The following VPS13C variants were observed in gnomAD, a reference collection of about 807,000 sequenced individuals.
VPS13C encodes the protein intermembrane lipid transfer protein VPS13C.
Under a neutral mutation model 456.8 loss-of-function variants are expected in VPS13C, and 358 were observed. The observed-to-expected ratio is 0.78, with a 90% CI of 0.72 to 0.86. The LOEUF is 0.86. VPS13C is among the 40% of genes least tolerant of loss of function. The pLI is 0.00. For missense variants in VPS13C, 4,818 were observed against 4,385.4 expected, an observed-to-expected ratio of 1.10 and a Z score of -2.79; for synonymous variants, 1,578 against 1,486.7, an observed-to-expected ratio of 1.06 and a Z score of -1.41.
Position 61,951,990 on chromosome 15 carries a change from G to A in VPS13C, c.4300-10C>T, listed in dbSNP as rs200015987. The stretch of plus-strand genomic sequence containing the variant: ...TCAAAGTAACCACAACCTAAAAAAC[G>A]GTACCAGTATTACCACCAACTATTT... On this transcript the variant is annotated splice_polypyrimidine_tract_variant and intron_variant, in intron 38 of 84. Coordinates refer to ENST00000644861, the MANE Select transcript of VPS13C (RefSeq NM_020821.3). 295 of 1,610,574 alleles carry A rather than the reference G, an allele frequency of 1.8e-4. No individual in the cohort carries two copies. Among genetic ancestry groups the A allele is most frequent in the Middle Eastern group, 5.0e-4 (3 of 6,048 alleles).
At chr15:62,028,899 T>C (rs1307343745) in intron 5 of VPS13C, among the ~76,000 whole-genome samples, 3 of 152,112 alleles carry the variant, frequency 2.0e-5, no homozygotes, top group Non-Finnish European at 4.4e-5. Context: ...ATAGCCATTC[T>C]CATTAATGAT....
At chr15:62,024,610 T>A (rs929801648) in intron 6 of VPS13C, among the ~76,000 whole-genome samples, 1 of 152,076 alleles carries the variant, frequency 6.6e-6, no homozygotes, top group African/African-American at 2.4e-5. Context: ...TCTACCCTGT[T>A]ACCAGATTGA....
intron 66 of VPS13C, among the ~76,000 whole-genome samples, chr15:61,894,574 A>G (rs908883654): frequency 2.6e-5 from 4 of 152,078 alleles, no homozygotes; most frequent in African/African-American, 9.7e-5. Flanking sequence ...AAAAAAAAAG[A>G]GTAGGAGTAG....
Position 61,949,456 on chromosome 15 carries a change from G to T in VPS13C, c.4746C>A (p.Ile1582=). 6.2e-7 allele frequency: 1 copy of T among 1,609,826 alleles called. No homozygotes were observed. The highest frequency in any genetic ancestry group is 8.5e-7 in the Non-Finnish European group (1 of 1,179,080). ...AAAAATTATTACCAGCTTTGACAGC[G>T]ATACTTCTGGACTCCCCCACAAGTG... is the stretch of plus-strand genomic sequence containing the variant. ...LKPLVGESRS[I]AVKAVSSNIS... is the part of the protein sequence containing the mutation. The change falls in exon 42 of 85, where the codon ATC becomes ATA. Residue 1582 remains isoleucine (I), a synonymous_variant. Coordinates refer to ENST00000644861, the MANE Select transcript of VPS13C (RefSeq NM_020821.3).
intron 52 of VPS13C, among the ~76,000 whole-genome samples, chr15:61,925,915 G>T (rs116895072): frequency 5.9e-5 from 9 of 152,308 alleles, no homozygotes; most frequent in African/African-American, 1.9e-4. Context: ...CTGTGGTAAG[G>T]TAGGTAAGTA....
rs747812804 is a variant in VPS13C at position 61,966,088 on chromosome 15, C to T, written c.3046G>A (p.Val1016Ile). The T allele has an allele frequency of 1.0e-5, 16 of 1,600,318 alleles. No individual in the cohort carries two copies. Among genetic ancestry groups the T allele is most frequent in the Non-Finnish European group, 1.4e-5 (16 of 1,172,264 alleles). Reference protein sequence around the residue: ...QTAFGKTEQTVKVAFSSLNLL... With the variant: ...QTAFGKTEQTIKVAFSSLNLL... The stretch of plus-strand genomic sequence containing the variant: ...CCTTTAACAGAATTTCTTACCTTAA[C>T]TGTTTGTTCAGTTTTTCCAAAAGCA... Residue 1016 changes from valine to isoleucine, a missense_variant, in exon 30 of 85, where the codon GTT (valine) becomes ATT (isoleucine). Transcript: ENST00000644861.
Position 61,864,349 on chromosome 15 carries a change from CA to C in VPS13C, c.10864-822del. The C allele has an allele frequency of 1.1e-5, 10 of 893,460 alleles. No homozygotes were observed. The South Asian group carries it at 4.7e-4, about 42-fold the overall frequency. 55.3% of individuals were successfully genotyped at this position (893,460 alleles called of 1,614,324 possible). On this transcript the variant is annotated intron_variant, in intron 81 of 84. Coordinates refer to ENST00000644861, the MANE Select transcript of VPS13C (RefSeq NM_020821.3). Reference sequence around the variant, plus strand: ...CATTTATTTTCCTTTTCAGCTATCTCAAAAGTACTGTGACTTGAATTAGTCA... The same window carrying C: ...CATTTATTTTCCTTTTCAGCTATCTCAAAGTACTGTGACTTGAATTAGTCA...
At position 61,982,731 on chromosome 15, in the gene VPS13C, C is replaced by T. The variant is rs1243547072; in HGVS notation, c.1915-158G>A. 3.3e-5 allele frequency among the ~76,000 whole-genome samples: 5 copies of T among 152,132 alleles called. No individual in the cohort carries two copies. The South Asian group carries it at 8.3e-4, about 25-fold the overall frequency. ...CATCTCCCTTTGGAGTAAAAGAGAA[C>T]CTGGAGAAAGGAAGAGCCTAAGCAA... On this transcript the variant is annotated intron_variant, in intron 20 of 84. Transcript: ENST00000644861.
chr15:62,054,847 C>G (rs932615173), intron 1 of VPS13C, among the ~76,000 whole-genome samples: 1 of 152,096 alleles, frequency 6.6e-6, no homozygotes, highest in Non-Finnish European at 1.5e-5. Context: ...CATCACCCAG[C>G]CAGGTTTGTT....
intron 15 of VPS13C, among the ~76,000 whole-genome samples, chr15:62,003,325 A>C (rs8029201): frequency 6.7e-6 from 1 of 149,354 alleles, no homozygotes; most frequent in African/African-American, 2.5e-5. Flanking sequence ...CCGTTTGTCT[A>C]TTATTGGTGT....
At chr15:61,865,074 G>T (rs940586982) in intron 81 of VPS13C, 4 of 984,740 alleles carry the variant, frequency 4.1e-6, no homozygotes, top group Non-Finnish European at 4.8e-6. Flanking sequence ...ACTACACTCT[G>T]AGATTCAGAT....
intron 66 of VPS13C, among the ~76,000 whole-genome samples, chr15:61,903,166 A>C (rs895528754): frequency 9.9e-5 from 15 of 151,962 alleles, no homozygotes; most frequent in African/African-American, 3.6e-4. Flanking sequence ...TCTCTACAGA[A>C]AAAAAACAAA....
chr15:61,956,989 C>G (rs2045025097), intron 37 of VPS13C, among the ~76,000 whole-genome samples: 1 of 152,098 alleles, frequency 6.6e-6, no homozygotes, highest in Non-Finnish European at 1.5e-5. Context: ...ATAACTACGT[C>G]AAAGACACAC....
chr15:61,921,776 G>A (rs1426804261), intron 55 of VPS13C, among the ~76,000 whole-genome samples, 171 bp downstream of exon 55: 1 of 151,984 alleles, frequency 6.6e-6, no homozygotes, highest in Admixed American at 6.6e-5. Flanking sequence ...CTATACACTC[G>A]TGAGAGAATG....
chr15:62,016,335 G>T (rs370744349), intron 9 of VPS13C, among the ~76,000 whole-genome samples: 4 of 151,566 alleles, frequency 2.6e-5, no homozygotes, highest in South Asian at 4.2e-4. Flanking sequence ...GATTAGTTAC[G>T]TATGTATACA....
chr15:62,012,645 C>T (rs1200655320), intron 11 of VPS13C, among the ~76,000 whole-genome samples: 1 of 151,822 alleles, frequency 6.6e-6, no homozygotes, highest in African/African-American at 2.4e-5. Context: ...TTCAGAAAAT[C>T]ATCACAAATG....
At chr15:61,860,086 T>C (rs1374902514) in intron 82 of VPS13C, among the ~76,000 whole-genome samples, 1 of 152,082 alleles carries the variant, frequency 6.6e-6, no homozygotes. Flanking sequence ...ATAATACATT[T>C]GACAAAAAGG....
chr15:61,941,957 G>T lies in VPS13C; in HGVS notation c.5259C>A (p.Arg1753=). 1 of 1,613,894 alleles carries T rather than the reference G, an allele frequency of 6.2e-7. No homozygotes were observed. The highest frequency in any genetic ancestry group is 8.5e-7 in the Non-Finnish European group (1 of 1,179,910). The part of the protein sequence containing the change: ...SMKDLAQKSF[R]LLMDINLKAP... ...CTTTCAAATTAATATCCATCAAAAG[G>T]CGGAAACTCTTTTGAGCCAAGTCTT... The change falls in exon 46 of 85, where the codon CGC becomes CGA. Residue 1753 remains arginine, a synonymous_variant. Transcript: ENST00000644861.
rs775065105 is a variant in VPS13C at position 61,920,664 on chromosome 15, C to T, written c.7063-17G>A. On this transcript the variant is annotated splice_polypyrimidine_tract_variant and intron_variant, in intron 55 of 84. Transcript: ENST00000644861. Reference sequence around the variant, plus strand: ...CTTCTTTACCTATGAAGAAAAATAACACAGCAAATTTAAATTATTAGCCAG... The same window carrying T: ...CTTCTTTACCTATGAAGAAAAATAATACAGCAAATTTAAATTATTAGCCAG... The T allele has an allele frequency of 6.4e-7, 1 of 1,551,522 alleles. No homozygotes were observed. The highest frequency in any genetic ancestry group is 1.2e-5 in the South Asian group (1 of 80,800).
Sources: gnomAD v4.1 joint callset for allele counts (sites outside exome capture counted in the v4.1 genomes callset) on GRCh38, gnomAD v4.1.1 for gene constraint, MANE v1.5 for transcripts, NCBI Gene and HGNC (gene_info 2026-07-23, HGNC 2026-07-21) for gene names.